The following IL2RB variants were observed in gnomAD, a reference collection of about 807,000 sequenced individuals.
IL2RB encodes the protein interleukin 2 receptor subunit beta.
A neutral mutation model predicts 44.2 loss-of-function variants in IL2RB; 17 were observed. That is an observed-to-expected ratio of 0.38 (90% CI 0.26 to 0.58). The LOEUF is 0.58. IL2RB is among the 20% of genes least tolerant of loss of function. The probability of loss-of-function intolerance (pLI) is 0.63; values close to 1 mark genes in which losing one functional copy is unlikely to be tolerated. For missense variants in IL2RB, 624 were observed against 685.5 expected (o/e 0.91, Z 1.00); for synonymous variants, 286 against 297.9 (o/e 0.96, Z 0.41).
chr22:37,167,134 G>C (rs751389118), intron 1 of IL2RB, among the ~76,000 whole-genome samples: 1 of 152,072 alleles, frequency 6.6e-6, no homozygotes, highest in Non-Finnish European at 1.5e-5. Context: ...CCCTTAATTG[G>C]TACAGATCAG....
At chr22:37,149,107 G>A (rs1458662839) in intron 1 of IL2RB, among the ~76,000 whole-genome samples, 1 of 152,222 alleles carries the variant, frequency 6.6e-6, no homozygotes, top group African/African-American at 2.4e-5. Flanking sequence ...CCCCCGAGGT[G>A]CTACAAACAC....
chr22:37,157,473 C>T (rs906431327), intron 1 of IL2RB, among the ~76,000 whole-genome samples: 8 of 152,242 alleles, frequency 5.3e-5, no homozygotes, highest in African/African-American at 1.9e-4. Flanking sequence ...CACCAGCGCC[C>T]TGAGCAGCTC....
At chr22:37,148,816 C>T (rs915220591) in intron 1 of IL2RB, among the ~76,000 whole-genome samples, 3 of 152,066 alleles carry the variant, frequency 2.0e-5, no homozygotes, top group Non-Finnish European at 1.5e-5. Context: ...AGGTGCAGTT[C>T]GGGGCCCCTG....
intron 1 of IL2RB, among the ~76,000 whole-genome samples, chr22:37,145,143 A>C (rs528046732): frequency 6.6e-6 from 1 of 152,350 alleles, no homozygotes; most frequent in African/African-American, 2.4e-5. Flanking sequence ...TCGGAAAAGC[A>C]GAAAAGCAGA....
Position 37,137,503 on chromosome 22 carries a change from C to T in IL2RB, c.537+84G>A, listed in dbSNP as rs180698131. 505 of 1,471,496 alleles carry T rather than the reference C, an allele frequency of 3.4e-4. 1 individual carries two copies. The African/African-American group carries it at 6.0e-3, about 17-fold the overall frequency. The allele number at this position is 1,471,496 out of a possible 1,614,324, so 91.2% of individuals were successfully genotyped here. On this transcript the variant is annotated intron_variant, in intron 6 of 9. Coordinates refer to ENST00000216223, the MANE Select transcript of IL2RB (RefSeq NM_000878.5). ...ACCATCCACCTGGGGCTGAGGGGACCTCGACACAATGAAAAAGGGACAGGA... is the reference window on the plus strand; with the variant it reads ...ACCATCCACCTGGGGCTGAGGGGACTTCGACACAATGAAAAAGGGACAGGA...
At chr22:37,158,520 C>T (rs1440013303) in intron 1 of IL2RB, among the ~76,000 whole-genome samples, 2 of 151,894 alleles carry the variant, frequency 1.3e-5, no homozygotes, top group South Asian at 2.1e-4. Context: ...ATTGCGCAAC[C>T]GCACTCGAGC....
At chr22:37,146,174 G>A (rs777595276) in intron 1 of IL2RB, among the ~76,000 whole-genome samples, 1 of 152,046 alleles carries the variant, frequency 6.6e-6, no homozygotes, top group Non-Finnish European at 1.5e-5. Flanking sequence ...ACTACTTGTT[G>A]TCTCTTCCCC....
At chr22:37,162,711 C>G (rs1922922368) in intron 1 of IL2RB, among the ~76,000 whole-genome samples, 1 of 152,238 alleles carries the variant, frequency 6.6e-6, no homozygotes, top group East Asian at 1.9e-4. Context: ...TTACCAAATC[C>G]CTGACCCCCA....
chr22:37,170,589 T>C (rs1278906934), intron 1 of IL2RB, among the ~76,000 whole-genome samples: 1 of 152,126 alleles, frequency 6.6e-6, no homozygotes, highest in Non-Finnish European at 1.5e-5. Flanking sequence ...TGTGGAGGCA[T>C]CATGGGAGTC....
chr22:37,137,755 G>T lies in IL2RB; in HGVS notation c.389-20C>A, dbSNP rs228958. 1.9e-3 allele frequency: 2,993 copies of T among 1,609,074 alleles called. 44 individuals carry two copies. In the African/African-American group the frequency reaches 0.032, roughly 17 times the overall value. On this transcript the variant is annotated intron_variant, in intron 5 of 9. Transcript: ENST00000216223. ...GGCGAACTGGAGACAACAGGGGGTA[G>T]GGGAGAGCAGTCAGCCATGACCTCC...
At chr22:37,174,119 T>C (rs1923374754) in intron 1 of IL2RB, among the ~76,000 whole-genome samples, 1 of 152,180 alleles carries the variant, frequency 6.6e-6, no homozygotes, top group Non-Finnish European at 1.5e-5. Flanking sequence ...GGGTTAGGTA[T>C]GGTTATGTGA....
intron 4 of IL2RB, among the ~76,000 whole-genome samples, chr22:37,140,407 T>C (rs1227753968): frequency 6.6e-6 from 1 of 152,100 alleles, no homozygotes; most frequent in Non-Finnish European, 1.5e-5. Flanking sequence ...TTGAGAGCAC[T>C]TTACATATAT....
intron 1 of IL2RB, among the ~76,000 whole-genome samples, chr22:37,163,102 C>T (rs1922938539): frequency 6.6e-6 from 1 of 152,190 alleles, no homozygotes; most frequent in African/African-American, 2.4e-5. Context: ...TCTGGAGCTA[C>T]AGACCGCAGG....
At chr22:37,146,018 G>A (rs372065549) in intron 1 of IL2RB, among the ~76,000 whole-genome samples, 7 of 152,076 alleles carry the variant, frequency 4.6e-5, no homozygotes, top group African/African-American at 1.7e-4. Context: ...GGATGCTCCT[G>A]GACCCGGCAA....
intron 9 of IL2RB, among the ~76,000 whole-genome samples, chr22:37,129,413 G>A (rs927563343): frequency 5.3e-5 from 8 of 152,266 alleles, no homozygotes; most frequent in African/African-American, 1.9e-4. Flanking sequence ...GGGAGCTGAT[G>A]GTTTCCTGAT....
intron 5 of IL2RB, among the ~76,000 whole-genome samples, chr22:37,137,996 A>G (rs1261755833): frequency 6.6e-6 from 1 of 151,966 alleles, no homozygotes; most frequent in African/African-American, 2.4e-5. Context: ...TGACCTACGA[A>G]ATATATGGTT....
In IL2RB at chr22:37,173,338, G is replaced by A. The variant is rs536830286; in HGVS notation, c.-34+1620C>T. 7.9e-5 allele frequency among the ~76,000 whole-genome samples: 12 copies of A among 152,280 alleles called. No homozygotes were observed. The South Asian group carries it at 2.3e-3, about 29-fold the overall frequency. The stretch of plus-strand genomic sequence containing the variant: ...AGACTGGAAGCCGCATGAGGGCAGG[G>A]ACCATGTGGGGTTTTGGCTCACCAC... On this transcript the variant is annotated intron_variant, in intron 1 of 5. Coordinates refer to the IL2RB transcript ENST00000429622.
intron 1 of IL2RB, among the ~76,000 whole-genome samples, chr22:37,174,546 G>A (rs1326558410): frequency 2.6e-5 from 4 of 152,132 alleles, no homozygotes; most frequent in Admixed American, 6.5e-5. Flanking sequence ...AACTATGCTT[G>A]TACAGAACAA....
At position 37,128,211 on chromosome 22, in the gene IL2RB, G is replaced by T; in HGVS notation, c.1541C>A (p.Ser514Tyr). 1 of 1,515,982 alleles carries T rather than the reference G, an allele frequency of 6.6e-7. No individual in the cohort carries two copies. Among genetic ancestry groups the T allele is most frequent in the South Asian group, 1.3e-5 (1 of 74,948 alleles). 93.9% of individuals were successfully genotyped at this position (1,515,982 alleles called of 1,614,324 possible). A position where few individuals can be genotyped will look rare whatever the true frequency, so the allele number is the denominator to read the frequency against. The stretch of plus-strand genomic sequence containing the variant: ...GAACTCCCCCTGCCCAGGAGGCCTG[G>T]ACCAGGGGAAACTGACTCCCTCCCT... ...GPREGVSFPW[S>Y]RPPGQGEFRA... The change falls in exon 10 of 10, where the codon TCC becomes TAC. Residue 514 changes from serine (S) to tyrosine (Y), a missense_variant. Physicochemically the swap from Ser to Tyr is moderately radical, Grantham distance 144. Around this residue, in one of 3 missense-constraint regions of IL2RB, gnomAD observed 291 missense variants for 275.5 expected, o/e 1.06. Transcript: ENST00000216223. This position sits in a 1 kb window ranked among gnomAD's most constrained non-coding sequence, Gnocchi z 4.5.
Sources: gnomAD v4.1 joint callset for allele counts (sites outside exome capture counted in the v4.1 genomes callset) on GRCh38, gnomAD v4.1.1 for gene constraint, gnomAD v4.1.1 regional missense constraint, Gnocchi (gnomAD v3.1) non-coding constraint, MANE v1.5 for transcripts, NCBI Gene and HGNC (gene_info 2026-07-23, HGNC 2026-07-21) for gene names.